Variants in VPS13D observed in about 807,000 individuals in gnomAD.
The protein encoded by VPS13D is vacuolar protein sorting 13 homolog D, also known as intermembrane lipid transfer protein VPS13D.
VPS13D carries 187 observed loss-of-function variants against 461.9 expected under a neutral mutation model. The ratio of observed to expected loss-of-function variants is 0.40; its 90% CI spans 0.36 to 0.46. The LOEUF (loss-of-function observed/expected upper bound fraction) is 0.46, where lower values mean the gene tolerates loss of function less well. Ranked by LOEUF, VPS13D falls within the 20% of genes least tolerant of loss-of-function variation. VPS13D has a pLI of 0.60. For synonymous variants in VPS13D, 1,951 were observed against 1,986.3 expected, an observed-to-expected ratio of 0.98 and a Z score of 0.47; for missense variants, 4,711 against 5,364.9, an observed-to-expected ratio of 0.88 and a Z score of 3.81.
At chr1:12,356,219 T>G (rs1168210326) in intron 48 of VPS13D, 129 bp downstream of exon 48, 2 of 1,391,582 alleles carry the variant, frequency 1.4e-6, no homozygotes, top group African/African-American at 2.9e-5. Context: ...GAAACATTCC[T>G]GCTTCCATCA....
intron 25 of VPS13D, among the ~76,000 whole-genome samples, chr1:12,301,775 C>T (rs1642431185): frequency 6.6e-6 from 1 of 152,194 alleles, no homozygotes; most frequent in Non-Finnish European, 1.5e-5. Context: ...CAGCAACCCC[C>T]GTTCTAAAGC....
rs765796682 is a variant in VPS13D at position 12,311,593 on chromosome 1, C to T, written c.6790C>T (p.Arg2264Trp). 5.0e-6 allele frequency: 8 copies of T among 1,614,120 alleles called. No homozygotes were observed. Among genetic ancestry groups the T allele is most frequent in the East Asian group, 2.2e-5 (1 of 44,888 alleles). Residue 2264 changes from arginine to tryptophan, a missense_variant, in exon 28 of 70, where the codon CGG (arginine) becomes TGG (tryptophan). By Grantham distance (101) the Arg-to-Trp change is moderately radical (BLOSUM62 -3). Transcript: ENST00000620676. ...GGGAGAACCCATAGAGGAATTTATG[C>T]GGCCTTATGATTTACAAGATCCAAG... Reference protein sequence around the residue: ...NLGEPIEEFMRPYDLQDPRIH... With the variant: ...NLGEPIEEFMWPYDLQDPRIH...
intron 9 of VPS13D, among the ~76,000 whole-genome samples, chr1:12,257,585 A>G (rs1342290044): frequency 6.6e-6 from 1 of 152,202 alleles, no homozygotes; most frequent in Non-Finnish European, 1.5e-5. Flanking sequence ...AGAAGTATTC[A>G]CTTAAAAATC....
At chr1:12,362,477 A>T (rs1643965820) in intron 50 of VPS13D, among the ~76,000 whole-genome samples, 2 of 152,236 alleles carry the variant, frequency 1.3e-5, no homozygotes, top group Admixed American at 1.3e-4. Context: ...TGAAGAAACT[A>T]GGAATTAAGG....
chr1:12,278,436 G>A (rs1293180336), intron 19 of VPS13D, among the ~76,000 whole-genome samples: 2 of 151,914 alleles, frequency 1.3e-5, no homozygotes, highest in African/African-American at 2.4e-5. Flanking sequence ...TACCACGCCC[G>A]GCTAATTTTT....
intron 67 of VPS13D, chr1:12,479,018 G>T: frequency 2.5e-6 from 1 of 401,172 alleles, no homozygotes. Flanking sequence ...CAGGTGGAAG[G>T]CCGCCCCACG....
intron 65 of VPS13D, among the ~76,000 whole-genome samples, chr1:12,451,241 A>G (rs1233031634): frequency 6.6e-6 from 1 of 152,242 alleles, no homozygotes; most frequent in Non-Finnish European, 1.5e-5. Context: ...CCATTTGTGT[A>G]GACAATGAGA....
intron 24 of VPS13D, among the ~76,000 whole-genome samples, chr1:12,295,446 A>C (rs2101441493): frequency 6.6e-6 from 1 of 152,278 alleles, no homozygotes; most frequent in Middle Eastern, 3.4e-3. Context: ...CTCTGGAAGC[A>C]ACGAGTGCTG....
Position 12,349,195 on chromosome 1 carries a change from G to A in VPS13D, c.9252G>A (p.Gly3084=), listed in dbSNP as rs754191254. Residue 3084 remains glycine, a synonymous_variant, in exon 46 of 70, where the codon GGG becomes GGA. Transcript: ENST00000620676. The part of the protein sequence containing the change: ...KPVVLPAIMP[G]DSFAVPLHLT... ...TGGTGCTTCCTGCTATCATGCCAGG[G>A]GATTCGTTTGCTGTGCCTTTACACC... is the stretch of plus-strand genomic sequence containing the variant. 5.1e-5 allele frequency: 82 copies of A among 1,613,870 alleles called. 1 individual carries two copies. The South Asian group carries it at 8.7e-4, about 17-fold the overall frequency.
intron 60 of VPS13D, 88 bp from the exon 61 acceptor site, chr1:12,400,093 C>A: frequency 1.4e-6 from 2 of 1,463,304 alleles, no homozygotes; most frequent in South Asian, 2.5e-5. Flanking sequence ...GCAACCTGCG[C>A]ATTATGAGGC....
At chr1:12,247,499 A>G in intron 5 of VPS13D, among the ~76,000 whole-genome samples, 1 of 151,772 alleles carries the variant, frequency 6.6e-6, no homozygotes, top group Non-Finnish European at 1.5e-5. Context: ...ATTAAAAAAA[A>G]CCCAAAAAAA....
chr1:12,306,044 T>C (rs1313608798), intron 26 of VPS13D, among the ~76,000 whole-genome samples: 1 of 151,952 alleles, frequency 6.6e-6, no homozygotes, highest in East Asian at 1.9e-4. Flanking sequence ...AGTGCAGTGA[T>C]GCGATCTTGG....
rs76314308 is a variant in VPS13D, at chr1:12,338,356, T to G, written c.8626+51T>G. On this transcript the variant is annotated intron_variant, in intron 40 of 69. Transcript: ENST00000620676. ...GCTTTATTTTCCTGTTTTAAGAACT[T>G]CCTTGTACATCAATTTTTTTTTTAA... 60,372 of 1,559,160 alleles carry G rather than the reference T, an allele frequency of 0.039. 2,302 individuals carry two copies. The highest frequency in any genetic ancestry group is 0.17 in the Admixed American group (10,279 of 58,772).
At chr1:12,474,578 C>T (rs1176654937) in intron 67 of VPS13D, among the ~76,000 whole-genome samples, 1 of 152,198 alleles carries the variant, frequency 6.6e-6, no homozygotes, top group Non-Finnish European at 1.5e-5. Context: ...CTTTCAAACA[C>T]TGCTTTCATC....
At chr1:12,496,974 G>T (rs901468364) in intron 67 of VPS13D, 1 of 152,432 alleles carries the variant, frequency 6.6e-6, no homozygotes, top group African/African-American at 2.4e-5. Flanking sequence ...CATCTTAGAA[G>T]AAGTCTCAAG....
In VPS13D at chr1:12,319,426, C is replaced by T. The variant is rs901239153; in HGVS notation, c.7415-71C>T. ...TTGCCTGGTGGAAATGCGCTCGCTG[C>T]CTTGTTTGCAACAGCCTGGTGTTTT... On this transcript the variant is annotated intron_variant, in intron 31 of 69. Transcript: ENST00000620676. 19 of 1,594,746 alleles carry T rather than the reference C, an allele frequency of 1.2e-5. 1 individual carries two copies. Among genetic ancestry groups the T allele is most frequent in the Middle Eastern group, 1.9e-4 (1 of 5,246 alleles).
At chr1:12,267,361 G>A (rs1459992287) in intron 14 of VPS13D, among the ~76,000 whole-genome samples, 2 of 151,918 alleles carry the variant, frequency 1.3e-5, no homozygotes, top group Middle Eastern at 3.2e-3. Context: ...ATCTCGTCTC[G>A]CCAGGGTCCC....
At chr1:12,285,689 C>T (rs1198185955) in intron 21 of VPS13D, among the ~76,000 whole-genome samples, 1 of 152,190 alleles carries the variant, frequency 6.6e-6, no homozygotes, top group African/African-American at 2.4e-5. Context: ...AATGCATTGT[C>T]ACGTCCAACT....
In VPS13D at chr1:12,314,103, T is replaced by C; in HGVS notation, c.6936-12T>C. The C allele has an allele frequency of 1.9e-6, 3 of 1,611,532 alleles. No homozygotes were observed. The highest frequency in any genetic ancestry group is 2.5e-6 in the Non-Finnish European group (3 of 1,178,194). On this transcript the variant is annotated splice_polypyrimidine_tract_variant and intron_variant, in intron 29 of 69. Coordinates refer to ENST00000620676, the MANE Select transcript of VPS13D (RefSeq NM_015378.4). ...GTTTCACATCTTGCTTGCTTTCTTT[T>C]CTCTCTTTTAGATTTGACTTCAAGA...
Sources: gnomAD v4.1 joint callset for allele counts (sites outside exome capture counted in the v4.1 genomes callset) on GRCh38, gnomAD v4.1.1 for gene constraint, MANE v1.5 for transcripts, NCBI Gene and HGNC (gene_info 2026-07-23, HGNC 2026-07-21) for gene names.